The following ACSM3 variants were observed in gnomAD, a reference collection of about 807,000 sequenced individuals.
The protein encoded by ACSM3 is acyl-coenzyme A synthetase ACSM3, mitochondrial.
In ACSM3, 61 loss-of-function variants were observed where a neutral mutation model predicts 74.1. The ratio of observed to expected loss-of-function variants is 0.82; its 90% CI spans 0.67 to 1.02. The LOEUF (loss-of-function observed/expected upper bound fraction) is 1.02, where lower values mean the gene tolerates loss of function less well. Ranked by LOEUF, ACSM3 falls within the 50% of genes least tolerant of loss-of-function variation. The pLI is 0.00. For missense variants in ACSM3, 660 were observed against 697.0 expected (o/e 0.95, Z 0.60); for synonymous variants, 213 against 241.5 (o/e 0.88, Z 1.09).
chr16:20,796,631 A>G, intron 13 of ACSM3, 142 bp downstream of exon 13: 1 of 1,499,556 alleles, frequency 6.7e-7, no homozygotes, highest in Non-Finnish European at 8.8e-7. Context: ...GGTAAGAATC[A>G]GAATCTTTGA....
chr16:20,750,142 G>A (rs2079978800), intron 2 of ACSM3: 1 of 152,106 alleles, frequency 6.6e-6, no homozygotes, highest in Non-Finnish European at 1.5e-5. Context: ...AAAAATTGGG[G>A]GAAAAAGTGT....
At chr16:20,770,593 C>A (rs1025693630) in intron 2 of ACSM3, among the ~76,000 whole-genome samples, 12 of 150,978 alleles carry the variant, frequency 7.9e-5, no homozygotes, top group Admixed American at 2.6e-4. Flanking sequence ...GAAAAGGAGG[C>A]ACAGATAAAT....
intron 2 of ACSM3, among the ~76,000 whole-genome samples, chr16:20,775,150 T>G (rs1370412348): frequency 1.3e-5 from 2 of 151,972 alleles, no homozygotes; most frequent in Non-Finnish European, 2.9e-5. Flanking sequence ...CGGGAACGTG[T>G]GGGGATGTCA....
At chr16:20,715,062 A>G (rs2079756760) in intron 1 of ACSM3, among the ~76,000 whole-genome samples, 2 of 152,228 alleles carry the variant, frequency 1.3e-5, no homozygotes, top group Admixed American at 1.3e-4. Flanking sequence ...ATAGACAGAT[A>G]GATGCCTCCT....
chr16:20,783,308 A>G (rs1173923368), intron 7 of ACSM3: 1 of 152,196 alleles, frequency 6.6e-6, no homozygotes, highest in Non-Finnish European at 1.5e-5. Flanking sequence ...TGGGCCAGGA[A>G]CCCAGGATGA....
intron 11 of ACSM3, 28 bp from the exon 12 acceptor site, chr16:20,792,208 T>C (rs2080616308): frequency 1.2e-6 from 2 of 1,613,946 alleles, no homozygotes; most frequent in Non-Finnish European, 1.7e-6. Flanking sequence ...CACTCACCTG[T>C]ATGTATTCCT....
At chr16:20,718,008 GAAGAAGAAGAAGAAGAA>G (rs1567323293) in intron 1 of ACSM3, among the ~76,000 whole-genome samples, 22 of 145,304 alleles carry the variant, frequency 1.5e-4, no homozygotes, top group African/African-American at 5.5e-4. Context: ...AGAAGAAGAA[GAAGAAGAAGAAGAAGAA>G]GAAAAGAAAG....
chr16:20,745,535 T>C (rs1197127060), intron 1 of ACSM3, among the ~76,000 whole-genome samples: 1 of 151,998 alleles, frequency 6.6e-6, no homozygotes, highest in Non-Finnish European at 1.5e-5. Context: ...TGAGCTGAAA[T>C]CGTGCCACTG....
At chr16:20,736,815 T>C in intron 1 of ACSM3, 1 of 1,523,662 alleles carries the variant, frequency 6.6e-7, no homozygotes, top group Non-Finnish European at 8.9e-7. Context: ...CAATTTAAGG[T>C]GGAGCCCCAG....
At chr16:20,707,612 A>G (rs1487795817) in intron 1 of ACSM3, among the ~76,000 whole-genome samples, 1 of 152,072 alleles carries the variant, frequency 6.6e-6, no homozygotes, top group Admixed American at 6.6e-5. Context: ...AGGCTCACCA[A>G]CTGTGGACTC....
intron 1 of ACSM3, among the ~76,000 whole-genome samples, chr16:20,694,968 C>T (rs28469555): frequency 0.47 from 72,129 of 151,976 alleles, 18,278 homozygotes; most frequent in Non-Finnish European, 0.58. Flanking sequence ...CTCCAGCCTT[C>T]AGAACTTTGA....
chr16:20,738,502 T>C (rs375564815), intron 1 of ACSM3, among the ~76,000 whole-genome samples: 99 of 152,148 alleles, frequency 6.5e-4, no homozygotes, highest in African/African-American at 2.1e-3. Flanking sequence ...CTCCGAAAAT[T>C]TGTAAATTAG....
chr16:20,787,045 A>C (rs1246717483), intron 9 of ACSM3, among the ~76,000 whole-genome samples: 1 of 152,202 alleles, frequency 6.6e-6, no homozygotes, highest in South Asian at 2.1e-4. Flanking sequence ...CCTGATGCCT[A>C]GGGGGAATTC....
At chr16:20,777,003 C>A (rs554531046) in intron 3 of ACSM3, among the ~76,000 whole-genome samples, 1 of 152,268 alleles carries the variant, frequency 6.6e-6, no homozygotes, top group East Asian at 1.9e-4. Context: ...TTATTCATAG[C>A]TTTTATGTTT....
chr16:20,699,155 C>A (rs958922693), intron 1 of ACSM3, among the ~76,000 whole-genome samples: 3 of 152,128 alleles, frequency 2.0e-5, no homozygotes, highest in African/African-American at 7.2e-5. Flanking sequence ...AGATTTGTTG[C>A]ATGGGATCAT....
rs1463444630 is a variant in ACSM3 at position 20,797,244 on chromosome 16, A to G, written c.*272A>G. The G allele has an allele frequency of 2.7e-6, 3 of 1,121,080 alleles. No individual in the cohort carries two copies. Among genetic ancestry groups the G allele is most frequent in the Non-Finnish European group, 3.3e-6 (3 of 920,156 alleles). 69.4% of individuals were successfully genotyped at this position (1,121,080 alleles called of 1,614,324 possible). A position where few individuals can be genotyped will look rare whatever the true frequency, so the allele number is the denominator to read the frequency against. On this transcript the variant is annotated 3_prime_UTR_variant, in exon 14 of 14. Coordinates refer to ENST00000289416, the MANE Select transcript of ACSM3 (RefSeq NM_005622.4). ...ATTTTTAAATGTATAGTATAGAAGC[A>G]GTTTCTGAACCAGATCTCTGCTACA...
chr16:20,795,020 T>A (rs576357238), intron 12 of ACSM3, among the ~76,000 whole-genome samples: 1 of 152,362 alleles, frequency 6.6e-6, no homozygotes, highest in South Asian at 2.1e-4. Context: ...ACAAGCATAA[T>A]TTTTTAATTT....
At chr16:20,772,644 C>T (rs10852248) in intron 2 of ACSM3, among the ~76,000 whole-genome samples, 52,694 of 151,900 alleles carry the variant, frequency 0.35, 10,822 homozygotes, top group Non-Finnish European at 0.47. Flanking sequence ...GTTCTTGGCA[C>T]CTTTGTTGAA....
intron 1 of ACSM3, among the ~76,000 whole-genome samples, chr16:20,720,665 C>T (rs1336557333): frequency 1.3e-5 from 2 of 152,178 alleles, no homozygotes; most frequent in Admixed American, 1.3e-4. Flanking sequence ...ATCTCCACAT[C>T]AGGTTTACAA....
Sources: allele counts gnomAD v4.1 joint callset (sites outside exome capture counted in the v4.1 genomes callset), GRCh38; gene constraint gnomAD v4.1.1; transcripts MANE v1.5; gene names NCBI Gene and HGNC (gene_info 2026-07-23, HGNC 2026-07-21).